The following LARS2 variants were observed in gnomAD, a reference collection of about 807,000 sequenced individuals.
The protein encoded by LARS2 is leucyl-tRNA synthetase 2, mitochondrial.
A neutral mutation model predicts 116.6 loss-of-function variants in LARS2; 81 were observed. The ratio of observed to expected loss-of-function variants is 0.69; its 90% CI spans 0.58 to 0.84. LARS2 has a LOEUF of 0.84. LARS2 is among the 40% of genes least tolerant of loss of function. The pLI, the probability that LARS2 is intolerant of heterozygous loss-of-function variation, is 0.00. For synonymous variants in LARS2, 396 were observed against 407.2 expected, an observed-to-expected ratio of 0.97 and a Z score of 0.33; for missense variants, 968 against 1,114.5, an observed-to-expected ratio of 0.87 and a Z score of 1.87.
At chr3:45,500,761 GT>G (rs1700104570) in intron 15 of LARS2, among the ~76,000 whole-genome samples, 182 bp downstream of exon 15, 1 of 152,198 alleles carries the variant, frequency 6.6e-6, no homozygotes, top group Non-Finnish European at 1.5e-5. Context: ...GTTCTGGCAT[GT>G]GATGTTGCAT....
At chr3:45,542,032 G>T in intron 21 of LARS2, 76 bp downstream of exon 21, 1 of 1,572,712 alleles carries the variant, frequency 6.4e-7, no homozygotes, top group Non-Finnish European at 8.7e-7. Context: ...TGGTGGTTTT[G>T]AGAGGTCTAT....
chr3:45,531,593 A>G (rs1170180867), intron 20 of LARS2, among the ~76,000 whole-genome samples: 2 of 151,828 alleles, frequency 1.3e-5, no homozygotes, highest in African/African-American at 2.4e-5. Flanking sequence ...TGTGTTGCCC[A>G]GGCTAGTCCT....
intron 20 of LARS2, 131 bp from the exon 21 acceptor site, chr3:45,541,698 A>G (rs1700798112): frequency 8.6e-7 from 1 of 1,163,002 alleles, no homozygotes; most frequent in Non-Finnish European, 1.2e-6. Context: ...CCCAGCAGCC[A>G]TGGTCTGGCT....
chr3:45,458,920 C>T, intron 8 of LARS2, 34 bp downstream of exon 8: 2 of 1,610,882 alleles, frequency 1.2e-6, no homozygotes, highest in Non-Finnish European at 1.7e-6. Flanking sequence ...CCACTAATGC[C>T]TTACATGCTG....
chr3:45,484,630 A>AAAAAAAAAT (rs1553634443), intron 10 of LARS2, among the ~76,000 whole-genome samples: 2 of 9,746 alleles, frequency 2.1e-4, no homozygotes, highest in African/African-American at 3.5e-4. Context: ...AAAAAAAAAA[A>AAAAAAAAAT]ATATATATAT....
Position 45,453,785 on chromosome 3 carries a change from C to A in LARS2, c.607-4958C>A, listed in dbSNP as rs112962956. Among the ~76,000 whole-genome samples, 1,160 of 152,086 alleles carry A rather than the reference C, an allele frequency of 7.6e-3. 19 individuals are homozygous for A. The highest frequency in any genetic ancestry group is 0.025 in the African/African-American group (1,054 of 41,460). On this transcript the variant is annotated intron_variant, in intron 7 of 21. Transcript: ENST00000645846. ...TAATAGACCTTGAAAAAAATCAGTA[C>A]CCTAAAATATATATTTTACTAGCCT...
intron 4 of LARS2, among the ~76,000 whole-genome samples, chr3:45,414,039 G>A (rs948073928): frequency 3.3e-5 from 5 of 152,158 alleles, no homozygotes; most frequent in African/African-American, 7.2e-5. Context: ...TATGTCAAAC[G>A]TCTTAAAATT....
At chr3:45,512,393 A>G (rs185861267) in intron 15 of LARS2, among the ~76,000 whole-genome samples, 1 of 152,330 alleles carries the variant, frequency 6.6e-6, no homozygotes, top group African/African-American at 2.4e-5. Flanking sequence ...ATTTGCAATA[A>G]TTTCAGTATG....
At position 45,400,384 on chromosome 3, in the gene LARS2, G is replaced by A; in HGVS notation, c.363+11G>A. On this transcript the variant is annotated intron_variant, in intron 4 of 21. Coordinates refer to ENST00000645846, the MANE Select transcript of LARS2 (RefSeq NM_015340.4). ...ATGAGAGGGATGCAGGTAAGAACAG[G>A]TGCCTGCTGGAGCAGCCCTTGTCTG... is the stretch of plus-strand genomic sequence containing the variant. 2.5e-6 allele frequency: 4 copies of A among 1,593,728 alleles called. No homozygotes were observed. Among genetic ancestry groups the A allele is most frequent in the Non-Finnish European group, 3.4e-6 (4 of 1,170,138 alleles).
chr3:45,491,640 T>A lies in LARS2; in HGVS notation c.1363T>A (p.Trp455Arg). The stretch of plus-strand genomic sequence containing the variant: ...CTGGCTGATTTCACGGCAGCGGTAC[T>A]GGGGCACACCAATCCCCATTGTCCA... ...KDWLISRQRY[W>R]GTPIPIVHCP... The change falls in exon 13 of 22, where the codon TGG (tryptophan) becomes AGG (arginine). Residue 455 changes from tryptophan to arginine, a missense_variant. By Grantham distance (101) the Trp-to-Arg change is moderately radical. Coordinates refer to ENST00000645846, the MANE Select transcript of LARS2 (RefSeq NM_015340.4). 17 of 1,614,220 alleles carry A rather than the reference T, an allele frequency of 1.1e-5. No homozygotes were observed. The highest frequency in any genetic ancestry group is 1.4e-5 in the Non-Finnish European group (17 of 1,180,032).
intron 9 of LARS2, among the ~76,000 whole-genome samples, chr3:45,475,151 C>T (rs917752388): frequency 5.9e-5 from 9 of 152,178 alleles, no homozygotes; most frequent in Non-Finnish European, 1.2e-4. Context: ...CCCTCACTTT[C>T]GTCCCCGTCA....
chr3:45,430,267 C>T (rs1170437610), intron 6 of LARS2, among the ~76,000 whole-genome samples: 4 of 139,490 alleles, frequency 2.9e-5, no homozygotes, highest in African/African-American at 8.1e-5. Context: ...CCACCGCACC[C>T]GGCCATTTTT....
chr3:45,497,859 C>T (rs1700043386), intron 14 of LARS2, among the ~76,000 whole-genome samples: 2 of 151,686 alleles, frequency 1.3e-5, no homozygotes, highest in African/African-American at 4.8e-5. Flanking sequence ...GTGAGCTGAG[C>T]TCGTGCCACT....
intron 6 of LARS2, among the ~76,000 whole-genome samples, chr3:45,431,395 T>G (rs1482931814): frequency 6.6e-6 from 1 of 152,224 alleles, no homozygotes; most frequent in Non-Finnish European, 1.5e-5. Context: ...TCTTGCAACT[T>G]TGGTTTGAAA....
At chr3:45,408,558 A>G (rs1023135647) in intron 4 of LARS2, among the ~76,000 whole-genome samples, 1 of 152,218 alleles carries the variant, frequency 6.6e-6, no homozygotes, top group African/African-American at 2.4e-5. Flanking sequence ...ACAGTAGGAA[A>G]TCCTGGTAAC....
At chr3:45,441,685 CCGT>C (rs1698914794) in intron 6 of LARS2, among the ~76,000 whole-genome samples, 1 of 152,188 alleles carries the variant, frequency 6.6e-6, no homozygotes, top group Non-Finnish European at 1.5e-5. Context: ...AGGTAGGCCT[CCGT>C]GCCTCAGCCT....
intron 19 of LARS2, among the ~76,000 whole-genome samples, chr3:45,521,283 C>A (rs376756679): frequency 6.6e-6 from 1 of 151,728 alleles, no homozygotes; most frequent in South Asian, 2.1e-4. Flanking sequence ...TCAGCCTGGG[C>A]GACAAAGCAA....
At position 45,427,880 on chromosome 3, in the gene LARS2, G is replaced by A. The variant is rs559667706; in HGVS notation, c.516+8151G>A. ...CTTCTTGCTCAGGCTGGAGTACAATGGCACGATCTTGGCTCACTGCAACCT... is the reference window on the plus strand; with the variant it reads ...CTTCTTGCTCAGGCTGGAGTACAATAGCACGATCTTGGCTCACTGCAACCT... On this transcript the variant is annotated intron_variant, in intron 6 of 21. Coordinates refer to ENST00000645846, the MANE Select transcript of LARS2 (RefSeq NM_015340.4). Among the ~76,000 whole-genome samples, 6 of 147,246 alleles carry A rather than the reference G, an allele frequency of 4.1e-5. No homozygotes were observed. In the South Asian group the frequency reaches 1.3e-3, roughly 31 times the overall value.
At chr3:45,545,489 CTGCCCATCTCATTGGCGCTTTA>C (rs1334260579) in intron 21 of LARS2, among the ~76,000 whole-genome samples, 1 of 152,236 alleles carries the variant, frequency 6.6e-6, no homozygotes, top group Non-Finnish European at 1.5e-5. Context: ...CCTGACTTCT[CTGCCCATCTCATTGGCGCTTTA>C]TGCCAGAGAC....
Sources: allele counts gnomAD v4.1 joint callset (sites outside exome capture counted in the v4.1 genomes callset), GRCh38; gene constraint gnomAD v4.1.1; transcripts MANE v1.5; gene names NCBI Gene and HGNC (gene_info 2026-07-23, HGNC 2026-07-21).